SGCZ: variants seen among roughly 807,000 people sequenced by gnomAD.
SGCZ encodes sarcoglycan zeta, also known as zeta-sarcoglycan.
SGCZ carries 40 observed loss-of-function variants against 41.3 expected under a neutral mutation model. The observed-to-expected ratio is 0.97, with a 90% CI of 0.75 to 1.26. SGCZ has a LOEUF of 1.26. Ranked by LOEUF, SGCZ falls within the 50% of genes most tolerant of loss-of-function variation. The pLI, the probability that SGCZ is intolerant of heterozygous loss-of-function variation, is 0.00. For missense variants in SGCZ, 552 were observed against 369.8 expected, an observed-to-expected ratio of 1.49 and a Z score of -4.04; for synonymous variants, 206 against 137.5, an observed-to-expected ratio of 1.50 and a Z score of -3.49.
chr8:14,179,333 A>C (rs1804647661), intron 4 of SGCZ, among the ~76,000 whole-genome samples: 1 of 152,196 alleles, frequency 6.6e-6, no homozygotes, highest in Non-Finnish European at 1.5e-5. Context: ...CTTAGGCTGG[A>C]AAGCATCCAC....
chr8:14,898,773 G>C (rs1393030292), intron 1 of SGCZ, among the ~76,000 whole-genome samples: 1 of 152,128 alleles, frequency 6.6e-6, no homozygotes. Flanking sequence ...TTGGAGATAA[G>C]ATTTGGAAAT....
At chr8:15,114,343 G>T (rs1023603730) in intron 1 of SGCZ, among the ~76,000 whole-genome samples, 2 of 152,092 alleles carry the variant, frequency 1.3e-5, no homozygotes, top group African/African-American at 4.8e-5. Context: ...TTGCTGTGTT[G>T]TAAAGTAAAA....
chr8:14,951,118 G>A (rs183761099), intron 1 of SGCZ, among the ~76,000 whole-genome samples: 163 of 151,974 alleles, frequency 1.1e-3, no homozygotes, highest in African/African-American at 3.8e-3. Context: ...TAAACAGATG[G>A]CCTTAATGTA....
At chr8:14,462,759 G>A (rs935088520) in intron 2 of SGCZ, among the ~76,000 whole-genome samples, 2 of 151,810 alleles carry the variant, frequency 1.3e-5, no homozygotes, top group Non-Finnish European at 2.9e-5. Context: ...GCAAGAAAAA[G>A]TCATTGGGAT....
chr8:14,381,004 C>A (rs758284772), intron 2 of SGCZ, among the ~76,000 whole-genome samples: 1 of 152,158 alleles, frequency 6.6e-6, no homozygotes, highest in Non-Finnish European at 1.5e-5. Context: ...TTCTTTCCTG[C>A]ACATACAGTT....
At chr8:14,382,338 G>C (rs1804398480) in intron 2 of SGCZ, among the ~76,000 whole-genome samples, 1 of 152,028 alleles carries the variant, frequency 6.6e-6, no homozygotes, top group South Asian at 2.1e-4. Flanking sequence ...AAGGCCCAAA[G>C]CCTGTGGGAA....
chr8:14,719,587 C>T (rs1028034062), intron 1 of SGCZ, among the ~76,000 whole-genome samples: 2 of 152,060 alleles, frequency 1.3e-5, no homozygotes, highest in Admixed American at 6.6e-5. Context: ...TTTTGATTTG[C>T]ATTTCCCTGA....
chr8:14,713,810 T>C (rs1252008977), intron 1 of SGCZ, among the ~76,000 whole-genome samples: 1 of 152,138 alleles, frequency 6.6e-6, no homozygotes, highest in Non-Finnish European at 1.5e-5. Flanking sequence ...ATTTTAAGTG[T>C]AATTTTTGGG....
At chr8:14,762,920 C>T (rs1472516767) in intron 1 of SGCZ, among the ~76,000 whole-genome samples, 1 of 152,120 alleles carries the variant, frequency 6.6e-6, no homozygotes, top group Non-Finnish European at 1.5e-5. Context: ...TCATCTTTGG[C>T]ATTATTAGTT....
chr8:14,772,418 T>C (rs1800270105), intron 1 of SGCZ, among the ~76,000 whole-genome samples: 1 of 150,708 alleles, frequency 6.6e-6, no homozygotes. Flanking sequence ...ATATGACTCT[T>C]AGTATTTCTT....
chr8:14,238,000 C>T (rs958912056), intron 3 of SGCZ, among the ~76,000 whole-genome samples: 2 of 152,190 alleles, frequency 1.3e-5, no homozygotes, highest in African/African-American at 4.8e-5. Flanking sequence ...CCTGCCTGTG[C>T]AGATATTCCA....
At chr8:14,572,219 C>CT (rs958042904) in intron 1 of SGCZ, among the ~76,000 whole-genome samples, 3 of 152,086 alleles carry the variant, frequency 2.0e-5, no homozygotes, top group Non-Finnish European at 4.4e-5. Flanking sequence ...CCAAGCTTAT[C>CT]TTTTTTTATA....
At chr8:14,956,625 A>C (rs1800800774) in intron 1 of SGCZ, among the ~76,000 whole-genome samples, 1 of 152,140 alleles carries the variant, frequency 6.6e-6, no homozygotes, top group African/African-American at 2.4e-5. Flanking sequence ...AAGTACCAAA[A>C]GCACACAAAG....
chr8:14,853,470 A>G (rs1390244725), intron 1 of SGCZ: 1 of 533,058 alleles, frequency 1.9e-6, no homozygotes, highest in Non-Finnish European at 3.8e-6. Context: ...GTGGCTGATT[A>G]ATATCCACCC....
At chr8:14,271,385 T>A (rs1800053494) in intron 3 of SGCZ, among the ~76,000 whole-genome samples, 1 of 152,212 alleles carries the variant, frequency 6.6e-6, no homozygotes, top group Admixed American at 6.5e-5. Flanking sequence ...ATGTGAGCTT[T>A]AATATATAAT....
At chr8:14,432,685 G>A (rs1021075480) in intron 2 of SGCZ, among the ~76,000 whole-genome samples, 8 of 151,942 alleles carry the variant, frequency 5.3e-5, no homozygotes, top group Admixed American at 1.3e-4. Context: ...AGGCTGAGGC[G>A]GGCCGATCAC....
chr8:15,078,363 T>C (rs550105474), intron 1 of SGCZ, among the ~76,000 whole-genome samples: 1 of 151,870 alleles, frequency 6.6e-6, no homozygotes, highest in South Asian at 2.1e-4. Context: ...TCCCTCTCTC[T>C]CCATACCATA....
chr8:14,455,135 G>A (rs1336778294), intron 2 of SGCZ, among the ~76,000 whole-genome samples: 3 of 152,030 alleles, frequency 2.0e-5, no homozygotes, highest in Non-Finnish European at 4.4e-5. Flanking sequence ...TGGTTGAAGG[G>A]CTAATATTCC....
chr8:15,190,226 G>A (rs961980598), intron 1 of SGCZ, among the ~76,000 whole-genome samples: 1 of 152,078 alleles, frequency 6.6e-6, no homozygotes, highest in African/African-American at 2.4e-5. Flanking sequence ...GGTAAAGCTT[G>A]TTATACCTTT....
Sources: allele counts gnomAD v4.1 joint callset (sites outside exome capture counted in the v4.1 genomes callset), GRCh38; gene constraint gnomAD v4.1.1; transcripts MANE v1.5; gene names NCBI Gene and HGNC (gene_info 2026-07-23, HGNC 2026-07-21).